The following TMEM40 variants were observed in gnomAD, a reference collection of about 807,000 sequenced individuals.
TMEM40 encodes the protein transmembrane protein 40.
In TMEM40, 34 loss-of-function variants were observed where a neutral mutation model predicts 40.8. That is an observed-to-expected ratio of 0.83 (90% CI 0.63 to 1.11). The LOEUF is 1.11. TMEM40 is among the 50% of genes least tolerant of loss of function. The pLI is 0.00. For missense variants in TMEM40, 296 were observed against 280.2 expected (o/e 1.06, Z -0.40); for synonymous variants, 106 against 107.0 (o/e 0.99, Z 0.06).
chr3:12,753,697 C>T (rs2061497019), intron 1 of TMEM40, among the ~76,000 whole-genome samples: 1 of 152,136 alleles, frequency 6.6e-6, no homozygotes, highest in Non-Finnish European at 1.5e-5. Flanking sequence ...TCAGGTGGCC[C>T]CCACATCCAA....
In TMEM40 at chr3:12,738,489, G is replaced by A. The variant is rs1233226920; in HGVS notation, c.391+64C>T. 8 of 1,565,580 alleles carry A rather than the reference G, an allele frequency of 5.1e-6. No individual in the cohort carries two copies. The African/African-American group carries it at 1.1e-4, about 21-fold the overall frequency. On this transcript the variant is annotated intron_variant, in intron 6 of 11. Transcript: ENST00000314124. Reference sequence around the variant, plus strand: ...CAGGTGCTGGCTCTCTTGGGGGAGAGGTGATGCCTAGACCTGGCTCAATAC... The same window carrying A: ...CAGGTGCTGGCTCTCTTGGGGGAGAAGTGATGCCTAGACCTGGCTCAATAC...
intron 1 of TMEM40, 102 bp from the exon 2 acceptor site, chr3:12,749,942 T>A: frequency 9.0e-7 from 1 of 1,116,144 alleles, no homozygotes; most frequent in Non-Finnish European, 1.3e-6. Context: ...CACTCAACAT[T>A]CAAAGGAATA....
In TMEM40 at chr3:12,755,215, C is replaced by CTT. The variant is rs373985866; in HGVS notation, c.-9+3975_-9+3976insAA. ...CCTTCCTTCCTTTCTTTCTTTCTTT[C>CTT]TCTCTCTCTCTCTCTCTCTCTTTCT... On this transcript the variant is annotated intron_variant, in intron 1 of 11. Coordinates refer to ENST00000314124, the MANE Select transcript of TMEM40 (RefSeq NM_018306.4). Among the ~76,000 whole-genome samples the CTT allele has an allele frequency of 3.0e-3, 194 of 65,168 alleles. 2 individuals are homozygous for CTT. Among genetic ancestry groups the CTT allele is most frequent in the African/African-American group, 0.016 (156 of 9,620 alleles). The allele number at this position is 65,168 out of a possible 152,430, so 42.8% of individuals were successfully genotyped here. A position where few individuals can be genotyped will look rare whatever the true frequency, so the allele number is the denominator to read the frequency against.
intron 1 of TMEM40, among the ~76,000 whole-genome samples, chr3:12,766,331 C>T (rs1027950179): frequency 1.3e-5 from 2 of 152,032 alleles, no homozygotes; most frequent in African/African-American, 2.4e-5. Context: ...CACGGTGGCT[C>T]ACACCTGTAA....
chr3:12,765,045 T>C (rs1028951619), intron 1 of TMEM40, among the ~76,000 whole-genome samples: 1 of 152,010 alleles, frequency 6.6e-6, no homozygotes, highest in Admixed American at 6.6e-5. Context: ...CTAATTTTTG[T>C]ATTTTTAGCA....
At chr3:12,767,378 G>A (rs1302848089) in intron 1 of TMEM40, among the ~76,000 whole-genome samples, 1 of 152,124 alleles carries the variant, frequency 6.6e-6, no homozygotes, top group Non-Finnish European at 1.5e-5. Flanking sequence ...CCATGGTGAG[G>A]GCGGGAGATG....
At chr3:12,749,670 G>C in intron 2 of TMEM40, 90 bp downstream of exon 2, 1 of 1,153,116 alleles carries the variant, frequency 8.7e-7, no homozygotes, top group Non-Finnish European at 1.3e-6. Flanking sequence ...TGTGCAACGT[G>C]AGTTGAGCAG....
chr3:12,749,940 A>C, intron 1 of TMEM40, 100 bp from the exon 2 acceptor site: 1 of 1,110,564 alleles, frequency 9.0e-7, no homozygotes, highest in Non-Finnish European at 1.3e-6. Context: ...AACACTCAAC[A>C]TTCAAAGGAA....
At chr3:12,762,745 A>T (rs2061578045), upstream of TMEM40, among the ~76,000 whole-genome samples, 1 of 152,216 alleles carries the variant, frequency 6.6e-6, no homozygotes, top group Non-Finnish European at 1.5e-5. Flanking sequence ...CATCCCCTGG[A>T]AACCTTTTAG....
intron 5 of TMEM40, among the ~76,000 whole-genome samples, chr3:12,741,658 T>C (rs2061382678): frequency 6.6e-6 from 1 of 151,644 alleles, no homozygotes; most frequent in Admixed American, 6.6e-5. Context: ...TATTTTAAAA[T>C]ACACATAAAC....
chr3:12,735,501 T>C (rs1166121644), intron 11 of TMEM40, 54 bp downstream of exon 11: 1 of 1,567,446 alleles, frequency 6.4e-7, no homozygotes, highest in African/African-American at 1.4e-5. Flanking sequence ...TCTTTCTAAA[T>C]GAAGACCCTG....
intron 1 of TMEM40, among the ~76,000 whole-genome samples, chr3:12,750,338 G>A (rs1439251740): frequency 6.6e-6 from 1 of 152,020 alleles, no homozygotes; most frequent in African/African-American, 2.4e-5. Flanking sequence ...CCACAAACAT[G>A]GCCAACATCC....
At chr3:12,749,364 G>C (rs2061455472) in intron 2 of TMEM40, among the ~76,000 whole-genome samples, 3 of 152,194 alleles carry the variant, frequency 2.0e-5, no homozygotes. Flanking sequence ...CCCAGAGACA[G>C]CTAGATTCTG....
At chr3:12,736,894 G>C (rs916109921) in intron 8 of TMEM40, 59 bp from the exon 9 acceptor site, 2 of 1,608,088 alleles carry the variant, frequency 1.2e-6, no homozygotes, top group African/African-American at 2.7e-5. Flanking sequence ...TTTTTGGGCA[G>C]AGGAGACAAG....
intron 11 of TMEM40, 149 bp downstream of exon 11, chr3:12,735,406 G>T: frequency 1.3e-6 from 1 of 747,602 alleles, no homozygotes; most frequent in Middle Eastern, 2.4e-4. Flanking sequence ...CTCATCCAGG[G>T]TCACAGAGCT....
chr3:12,742,421 T>A (rs752158763), intron 5 of TMEM40, 33 bp downstream of exon 5: 10 of 1,609,134 alleles, frequency 6.2e-6, no homozygotes, highest in Non-Finnish European at 8.5e-6. Context: ...TTCGTCTAAT[T>A]GTTTTCTCCA....
At chr3:12,765,531 G>T (rs1443297721) in intron 1 of TMEM40, among the ~76,000 whole-genome samples, 1 of 151,008 alleles carries the variant, frequency 6.6e-6, no homozygotes, top group Admixed American at 6.6e-5. Flanking sequence ...CTAAATGGTT[G>T]CTTTGGGTTC....
upstream of TMEM40, among the ~76,000 whole-genome samples, chr3:12,760,653 G>C (rs1281280125): frequency 6.6e-6 from 1 of 152,122 alleles, no homozygotes; most frequent in Non-Finnish European, 1.5e-5. Flanking sequence ...ACCATCTGCT[G>C]TGCTGCATAT....
At chr3:12,768,828 G>T (rs544534960) in intron 1 of TMEM40, among the ~76,000 whole-genome samples, 18 of 151,364 alleles carry the variant, frequency 1.2e-4, no homozygotes, top group Non-Finnish European at 2.4e-4. Context: ...ATGGGACCGG[G>T]CGCCGTGGAG....
Sources: gnomAD v4.1 joint callset for allele counts (sites outside exome capture counted in the v4.1 genomes callset) on GRCh38, gnomAD v4.1.1 for gene constraint, MANE v1.5 for transcripts, NCBI Gene and HGNC (gene_info 2026-07-23, HGNC 2026-07-21) for gene names.